KAZN: variants seen among roughly 807,000 people sequenced by gnomAD.
KAZN encodes kazrin.
In KAZN, 40 loss-of-function variants were observed where a neutral mutation model predicts 87.4. The ratio of observed to expected loss-of-function variants is 0.46; its 90% CI spans 0.36 to 0.60. The LOEUF is 0.60. Among genes scored for constraint, KAZN ranks in the 20% least tolerant of loss-of-function variants. The probability of loss-of-function intolerance (pLI) is 0.00; values close to 1 mark genes in which losing one functional copy is unlikely to be tolerated. For synonymous variants in KAZN, 466 were observed against 458.3 expected (o/e 1.02, Z -0.22); for missense variants, 898 against 1,073.9 (o/e 0.84, Z 2.29).
At chr1:14,042,795 A>G (rs889690452) in intron 1 of KAZN, among the ~76,000 whole-genome samples, 11 of 152,242 alleles carry the variant, frequency 7.2e-5, no homozygotes, top group African/African-American at 2.7e-4. Flanking sequence ...TTGATGTATC[A>G]TCTTTCCAAA....
At chr1:15,113,545 C>T (rs1641732531) in intron 14 of KAZN, 1 of 152,146 alleles carries the variant, frequency 6.6e-6, no homozygotes, top group Non-Finnish European at 1.5e-5. Context: ...GAGATGTGTG[C>T]AGTAAGAGAG....
At chr1:14,076,702 C>G (rs1487649443) in intron 1 of KAZN, among the ~76,000 whole-genome samples, 2 of 152,184 alleles carry the variant, frequency 1.3e-5, no homozygotes, top group African/African-American at 4.8e-5. Context: ...CTGCTTTCAC[C>G]TGACCCCGGT....
chr1:14,660,373 C>T (rs761681175), intron 1 of KAZN, among the ~76,000 whole-genome samples: 30 of 152,144 alleles, frequency 2.0e-4, no homozygotes, highest in Non-Finnish European at 3.1e-4. Context: ...GTCATAGACA[C>T]ACCTGCACAC....
At chr1:13,983,343 C>T (rs1274417696) in intron 1 of KAZN, among the ~76,000 whole-genome samples, 2 of 152,254 alleles carry the variant, frequency 1.3e-5, no homozygotes, top group African/African-American at 2.4e-5. Context: ...AGAAATCCAG[C>T]GCAGTGCCGG....
chr1:14,613,158 G>C (rs767302199), intron 1 of KAZN, among the ~76,000 whole-genome samples: 17 of 152,120 alleles, frequency 1.1e-4, no homozygotes, highest in Non-Finnish European at 2.2e-4. Context: ...ACTTGCATTC[G>C]AGGTTATGGT....
chr1:13,912,138 C>T (rs1292119310), intron 1 of KAZN, among the ~76,000 whole-genome samples: 4 of 152,176 alleles, frequency 2.6e-5, no homozygotes, highest in African/African-American at 9.7e-5. Flanking sequence ...TGCTCACGAT[C>T]AAAGGCAGCT....
intron 1 of KAZN, among the ~76,000 whole-genome samples, chr1:14,664,191 G>T (rs1022050208): frequency 5.3e-5 from 8 of 152,354 alleles, no homozygotes; most frequent in Admixed American, 2.0e-4. Flanking sequence ...CAAGCACCTT[G>T]GGAGGCCGAG....
intron 1 of KAZN, among the ~76,000 whole-genome samples, chr1:13,908,717 G>T (rs1337999009): frequency 6.6e-6 from 1 of 152,174 alleles, no homozygotes; most frequent in African/African-American, 2.4e-5. Flanking sequence ...AAAGCATGGT[G>T]GGGCCTGTAC....
chr1:15,029,364 G>A (rs929705670), intron 2 of KAZN, among the ~76,000 whole-genome samples: 1 of 152,182 alleles, frequency 6.6e-6, no homozygotes, highest in Non-Finnish European at 1.5e-5. Context: ...GGGGAGAGCC[G>A]CAGGTCCCCT....
intron 2 of KAZN, among the ~76,000 whole-genome samples, chr1:14,196,314 T>C (rs1379211155): frequency 6.6e-6 from 1 of 152,182 alleles, no homozygotes; most frequent in Non-Finnish European, 1.5e-5. Context: ...TTGGATTAAA[T>C]ATTCCAAAAG....
intron 2 of KAZN, among the ~76,000 whole-genome samples, chr1:14,576,671 G>A (rs1274819178): frequency 2.0e-5 from 3 of 152,158 alleles, no homozygotes; most frequent in Non-Finnish European, 4.4e-5. Context: ...GCCATTGAAC[G>A]CTAAAGATTT....
intron 1 of KAZN, among the ~76,000 whole-genome samples, chr1:13,990,206 A>G (rs1639213997): frequency 6.6e-6 from 1 of 152,216 alleles, no homozygotes; most frequent in South Asian, 2.1e-4. Flanking sequence ...ACACACATCT[A>G]TAAACAGACT....
chr1:15,073,897 T>C (rs1456031894), intron 8 of KAZN, among the ~76,000 whole-genome samples: 1 of 152,208 alleles, frequency 6.6e-6, no homozygotes, highest in Non-Finnish European at 1.5e-5. Flanking sequence ...CTCTGGGAAG[T>C]GGTCAGATGT....
At chr1:14,235,804 G>A (rs916338656) in intron 2 of KAZN, among the ~76,000 whole-genome samples, 7 of 152,288 alleles carry the variant, frequency 4.6e-5, no homozygotes, top group Admixed American at 2.0e-4. Context: ...CGAATGACAA[G>A]AGTCCCTTCT....
At chr1:14,369,216 T>TTG (rs1170474494) in intron 2 of KAZN, among the ~76,000 whole-genome samples, 4 of 152,020 alleles carry the variant, frequency 2.6e-5, no homozygotes, top group African/African-American at 4.8e-5. Context: ...GTTCTCGATT[T>TTG]TGTGTGTGTG....
chr1:14,379,210 C>A (rs1471856663), intron 2 of KAZN, among the ~76,000 whole-genome samples: 1 of 151,388 alleles, frequency 6.6e-6, no homozygotes, highest in Non-Finnish European at 1.5e-5. Context: ...ACTAAAGAGT[C>A]CTTGGGCCCT....
chr1:14,832,979 G>A (rs966401617), intron 1 of KAZN, among the ~76,000 whole-genome samples: 5 of 152,078 alleles, frequency 3.3e-5, no homozygotes, highest in Non-Finnish European at 7.4e-5. Flanking sequence ...TATATGGCTT[G>A]CACAGCTGAA....
intron 2 of KAZN, among the ~76,000 whole-genome samples, chr1:14,455,117 C>T (rs1439053732): frequency 1.3e-5 from 2 of 152,230 alleles, no homozygotes; most frequent in Admixed American, 6.5e-5. Flanking sequence ...ATCTTTTATG[C>T]TCTAGTCTCA....
intron 1 of KAZN, among the ~76,000 whole-genome samples, chr1:14,629,466 C>G (rs1435693555): frequency 1.3e-5 from 2 of 152,178 alleles, no homozygotes; most frequent in Non-Finnish European, 1.5e-5. Flanking sequence ...GTCAGGGATG[C>G]TCATGATGGA....
Sources: allele counts gnomAD v4.1 joint callset (sites outside exome capture counted in the v4.1 genomes callset), GRCh38; gene constraint gnomAD v4.1.1; transcripts MANE v1.5; gene names NCBI Gene and HGNC (gene_info 2026-07-23, HGNC 2026-07-21).